ATG101: variants seen among roughly 807,000 people sequenced by gnomAD.
ATG101 encodes autophagy-related protein 101.
ATG101 carries 6 observed loss-of-function variants against 16.7 expected under a neutral mutation model. The observed-to-expected ratio is 0.36, with a 90% CI of 0.20 to 0.71. ATG101 has a LOEUF of 0.71. Among genes scored for constraint, ATG101 ranks in the 30% least tolerant of loss-of-function variants. The pLI, the probability that ATG101 is intolerant of heterozygous loss-of-function variation, is 0.57. For missense variants in ATG101, 200 were observed against 292.5 expected (o/e 0.68, Z 2.31); for synonymous variants, 108 against 118.1 (o/e 0.91, Z 0.56).
chr12:52,070,067 G>T lies in ATG101; in HGVS notation c.-382G>T, dbSNP rs924567033. 1 of 152,392 alleles carries T rather than the reference G, an allele frequency of 6.6e-6. No homozygotes were observed. The highest frequency in any genetic ancestry group is 1.5e-5 in the Non-Finnish European group (1 of 68,188). 9.4% of individuals were successfully genotyped at this position (152,392 alleles called of 1,614,324 possible). A position where few individuals can be genotyped will look rare whatever the true frequency, so the allele number is the denominator to read the frequency against. The stretch of plus-strand genomic sequence containing the variant: ...GAGGCTGGTCGTGGACTGTGGTTGG[G>T]GGAGGTGGGAGCTGTTTTAACCGTG... On this transcript the variant is annotated 5_prime_UTR_variant, in exon 1 of 4. Transcript: ENST00000336854.
chr12:52,075,120 T>C (rs142359873), intron 3 of ATG101, among the ~76,000 whole-genome samples: 1 of 152,276 alleles, frequency 6.6e-6, no homozygotes, highest in Non-Finnish European at 1.5e-5. Context: ...TCCATAAATA[T>C]TTGCAGAGCC....
At chr12:52,075,952 G>A (rs1272472233) in intron 3 of ATG101, among the ~76,000 whole-genome samples, 1 of 152,084 alleles carries the variant, frequency 6.6e-6, no homozygotes, top group Non-Finnish European at 1.5e-5. Flanking sequence ...TTGAGCCCAG[G>A]AATTCGAGAC....
chr12:52,065,325 C>G (rs113703767), upstream of ATG101, among the ~76,000 whole-genome samples: 3 of 152,330 alleles, frequency 2.0e-5, no homozygotes, highest in African/African-American at 7.2e-5. Flanking sequence ...TCTGAAGACT[C>G]TGAGCTCCCA....
chr12:52,077,234 T>C lies in ATG101; in HGVS notation c.*44T>C. 1 of 1,585,394 alleles carries C rather than the reference T, an allele frequency of 6.3e-7. No individual in the cohort carries two copies. Among genetic ancestry groups the C allele is most frequent in the East Asian group, 2.2e-5 (1 of 44,484 alleles). ...GAGCTCCTTGATGGCTCCCAGACCT[T>C]GGCTTTTGGGAATTGCACTTTTGGG... is the stretch of plus-strand genomic sequence containing the variant. On this transcript the variant is annotated 3_prime_UTR_variant, in exon 4 of 4. Coordinates refer to ENST00000336854, the MANE Select transcript of ATG101 (RefSeq NM_021934.5).
At chr12:52,068,916 A>G (rs944602306), upstream of ATG101, among the ~76,000 whole-genome samples, 10 of 141,612 alleles carry the variant, frequency 7.1e-5, no homozygotes, top group South Asian at 4.7e-4. Flanking sequence ...ACGTGAACCC[A>G]GGAGGCGGAG....
chr12:52,074,905 G>A (rs1372647944), intron 3 of ATG101, among the ~76,000 whole-genome samples: 1 of 152,168 alleles, frequency 6.6e-6, no homozygotes, highest in African/African-American at 2.4e-5. Context: ...ACTGCAGTGA[G>A]CCATGATCAC....
chr12:52,068,784 A>G (rs1160996247), upstream of ATG101, among the ~76,000 whole-genome samples: 2 of 151,904 alleles, frequency 1.3e-5, no homozygotes, highest in Admixed American at 1.3e-4. Flanking sequence ...CAGGATATCG[A>G]GACCATCCTG....
intron 3 of ATG101, among the ~76,000 whole-genome samples, chr12:52,075,538 G>T (rs1277693887): frequency 1.3e-5 from 2 of 152,234 alleles, no homozygotes; most frequent in Non-Finnish European, 2.9e-5. Context: ...ACTTGACCTT[G>T]GTTTGTCAGT....
At chr12:52,071,890 C>T (rs1280480403) in intron 2 of ATG101, among the ~76,000 whole-genome samples, 2 of 152,050 alleles carry the variant, frequency 1.3e-5, no homozygotes, top group Non-Finnish European at 2.9e-5. Flanking sequence ...TAGTGAATTC[C>T]CAGTCAGGGG....
upstream of ATG101, chr12:52,069,169 G>C (rs1939596974): frequency 6.6e-6 from 1 of 152,112 alleles, no homozygotes; most frequent in Non-Finnish European, 1.5e-5. Flanking sequence ...GACTTTACAG[G>C]TCACAGAAAT....
chr12:52,071,539 G>C (rs1288745924), intron 2 of ATG101: 4 of 152,212 alleles, frequency 2.6e-5, no homozygotes, highest in Non-Finnish European at 5.9e-5. Flanking sequence ...TCAGCAGAAA[G>C]AATAACTGGA....
At chr12:52,067,265 C>T (rs535894986), upstream of ATG101, among the ~76,000 whole-genome samples, 27 of 152,276 alleles carry the variant, frequency 1.8e-4, no homozygotes, top group African/African-American at 6.0e-4. Flanking sequence ...TTAACCTTGA[C>T]GATCAAGATG....
At position 52,073,617 on chromosome 12, in the gene ATG101, G is replaced by GTTCC; in HGVS notation, c.-33_-30dup. The GTTCC allele has an allele frequency of 6.2e-7, 1 of 1,600,728 alleles. No individual in the cohort carries two copies. Among genetic ancestry groups the GTTCC allele is most frequent in the Non-Finnish European group, 8.5e-7 (1 of 1,170,458 alleles). On this transcript the variant is annotated 5_prime_UTR_variant, in exon 3 of 4. Transcript: ENST00000336854. ...GTGAAGATCCCCTGTCTTTATCCTA[G>GTTCC]TTCCACACCTTGGTGTGGGTTACTG... is the stretch of plus-strand genomic sequence containing the variant.
At position 52,077,428 on chromosome 12, in the gene ATG101, T is replaced by C. The variant is rs1012397312; in HGVS notation, c.*238T>C. On this transcript the variant is annotated 3_prime_UTR_variant, in exon 4 of 4. Coordinates refer to ENST00000336854, the MANE Select transcript of ATG101 (RefSeq NM_021934.5). ...CATAGCCCTGGTGGGGTCCCCCTTC[T>C]TTCTCCACTGTACAGAAGAGCCACC... The C allele has an allele frequency of 1.2e-4, 66 of 565,150 alleles. No individual in the cohort carries two copies. The highest frequency in any genetic ancestry group is 5.5e-4 in the Admixed American group (18 of 32,646). 35.0% of individuals were successfully genotyped at this position (565,150 alleles called of 1,614,324 possible). A position where few individuals can be genotyped will look rare whatever the true frequency, so the allele number is the denominator to read the frequency against.
upstream of ATG101, among the ~76,000 whole-genome samples, chr12:52,068,724 C>T (rs1265298501): frequency 2.0e-5 from 3 of 152,108 alleles, no homozygotes; most frequent in Middle Eastern, 3.4e-3. Context: ...CGGTGGCTCA[C>T]GCCTGTAATC....
Position 52,077,418 on chromosome 12 carries a change from G to A in ATG101, c.*228G>A, listed in dbSNP as rs370211431. On this transcript the variant is annotated 3_prime_UTR_variant, in exon 4 of 4. Coordinates refer to ENST00000336854, the MANE Select transcript of ATG101 (RefSeq NM_021934.5). The stretch of plus-strand genomic sequence containing the variant: ...ACTGTCTCTCCATAGCCCTGGTGGG[G>A]TCCCCCTTCTTTCTCCACTGTACAG... The A allele has an allele frequency of 1.0e-3, 596 of 578,880 alleles. 2 individuals are homozygous for A. The highest frequency in any genetic ancestry group is 0.01 in the African/African-American group (537 of 53,698). 35.9% of individuals were successfully genotyped at this position (578,880 alleles called of 1,614,324 possible).
chr12:52,072,356 A>G (rs1173791824), intron 2 of ATG101, among the ~76,000 whole-genome samples: 1 of 152,186 alleles, frequency 6.6e-6, no homozygotes, highest in African/African-American at 2.4e-5. Context: ...TCTCACTACT[A>G]TCCCCATTTA....
intron 2 of ATG101, among the ~76,000 whole-genome samples, chr12:52,071,929 T>C (rs911146231): frequency 3.1e-4 from 47 of 152,346 alleles, no homozygotes; most frequent in African/African-American, 9.4e-4. Flanking sequence ...CTCTGAGTTA[T>C]AAGGAACTTG....
chr12:52,076,871 C>T lies in ATG101; in HGVS notation c.338C>T (p.Ser113Leu). Residue 113 changes from serine to leucine, a missense_variant, in exon 4 of 4, where the codon TCA becomes TTA. Ser to Leu is a moderately radical substitution (Grantham distance 145). Transcript: ENST00000336854. ...AAGAAGAAGTCTCGCTGGCCATTCT[C>T]AGACGAGTGCATCCCATGGGAAGTG... Reference protein sequence around the residue: ...YQKKKSRWPFSDECIPWEVWT... With the variant: ...YQKKKSRWPFLDECIPWEVWT... 1 of 1,614,210 alleles carries T rather than the reference C, an allele frequency of 6.2e-7. No homozygotes were observed. The highest frequency in any genetic ancestry group is 1.1e-5 in the South Asian group (1 of 91,090).
Sources: allele counts gnomAD v4.1 joint callset (sites outside exome capture counted in the v4.1 genomes callset), GRCh38; gene constraint gnomAD v4.1.1; transcripts MANE v1.5; gene names NCBI Gene and HGNC (gene_info 2026-07-23, HGNC 2026-07-21).